The following FGF13 variants were observed in gnomAD, a reference collection of about 807,000 sequenced individuals.
FGF13 encodes the protein fibroblast growth factor homologous factor 2.
Under a neutral mutation model 19.5 loss-of-function variants are expected in FGF13, and 2 were observed. The ratio of observed to expected loss-of-function variants is 0.10; its 90% CI spans 0.04 to 0.32. The LOEUF (loss-of-function observed/expected upper bound fraction) is 0.32. Ranked by LOEUF, FGF13 falls within the 10% of genes least tolerant of loss-of-function variation. The probability of loss-of-function intolerance (pLI) is 1.00; values close to 1 mark genes in which losing one functional copy is unlikely to be tolerated. For missense variants in FGF13, 113 were observed against 192.7 expected, an observed-to-expected ratio of 0.59 and a Z score of 2.45; for synonymous variants, 72 against 76.9, an observed-to-expected ratio of 0.94 and a Z score of 0.33.
At chrX:138,833,660 C>T (rs918958015) in intron 3 of FGF13, among the ~76,000 whole-genome samples, 2 of 111,680 alleles carry the variant, frequency 1.8e-5, no homozygotes, top group Non-Finnish European at 3.8e-5. Flanking sequence ...TTTCTCTCTT[C>T]ACTGATTGCT....
chrX:139,184,842 A>G (rs192808987), intron 1 of FGF13, among the ~76,000 whole-genome samples: 1 of 112,649 alleles, frequency 8.9e-6, no homozygotes, highest in East Asian at 2.8e-4. Flanking sequence ...CATGAGTGTT[A>G]TTTCAGAATG....
At chrX:138,966,474 G>C (rs1315284133) in intron 1 of FGF13, among the ~76,000 whole-genome samples, 2 of 112,117 alleles carry the variant, frequency 1.8e-5, no homozygotes, top group Non-Finnish European at 3.8e-5. Flanking sequence ...TGCCCCACTG[G>C]ATTTCGAACT....
chrX:139,192,884 G>A (rs964003541), intron 1 of FGF13, among the ~76,000 whole-genome samples: 1 of 111,830 alleles, frequency 8.9e-6, no homozygotes, highest in African/African-American at 3.3e-5. Context: ...TTCATGCACT[G>A]AAAGTCTGTT....
chrX:138,692,027 G>A (rs1416301732), intron 3 of FGF13, among the ~76,000 whole-genome samples: 2 of 111,587 alleles, frequency 1.8e-5, no homozygotes, highest in African/African-American at 3.3e-5. Context: ...TGTAGTCACT[G>A]AAACCAGTGC....
At chrX:138,699,162 C>T (rs1278227739) in intron 3 of FGF13, among the ~76,000 whole-genome samples, 1 of 111,312 alleles carries the variant, frequency 9.0e-6, no homozygotes, top group African/African-American at 3.3e-5. Flanking sequence ...ACTTCCTTGT[C>T]TATTACTTGC....
At chrX:138,932,514 G>A (rs916800249) in intron 1 of FGF13, among the ~76,000 whole-genome samples, 5 of 97,810 alleles carry the variant, frequency 5.1e-5, no homozygotes, top group African/African-American at 1.8e-4. Context: ...GGCGCGGGAG[G>A]GCGGGGGGTG....
chrX:138,798,132 T>C (rs2090794336), intron 3 of FGF13, among the ~76,000 whole-genome samples: 1 of 112,020 alleles, frequency 8.9e-6, no homozygotes, highest in African/African-American at 3.2e-5. Context: ...GGCATCCTTT[T>C]GTTGTTCCAG....
At chrX:138,729,014 T>A (rs1268823516) in intron 1 of FGF13, among the ~76,000 whole-genome samples, 1 of 111,667 alleles carries the variant, frequency 9.0e-6, no homozygotes, top group Admixed American at 9.5e-5. Flanking sequence ...AACAAAATAC[T>A]AATGGCCTAA....
rs551148495 is a variant in FGF13, at chrX:138,821,589, T to C, written c.217+35923A>G. 5.3e-5 allele frequency among the ~76,000 whole-genome samples: 6 copies of C among 112,345 alleles called. No homozygotes were observed. In the South Asian group the frequency reaches 2.2e-3, roughly 41 times the overall value. The stretch of plus-strand genomic sequence containing the variant: ...ACTATTTCACTAAATATTTTTATAA[T>C]GATTAAATGTTGAAATAATATTTTG... On this transcript the variant is annotated intron_variant, in intron 3 of 6. Coordinates refer to the FGF13 transcript ENST00000436198.
intron 1 of FGF13, among the ~76,000 whole-genome samples, chrX:139,149,341 T>C (rs1054049976): frequency 1.8e-5 from 2 of 112,328 alleles, no homozygotes; most frequent in African/African-American, 6.5e-5. Context: ...AAATATGGAA[T>C]TGACATCAAA....
chrX:138,789,426 C>T (rs1252260969), intron 3 of FGF13, among the ~76,000 whole-genome samples: 9 of 107,744 alleles, frequency 8.4e-5, no homozygotes, highest in East Asian at 3.0e-4. Context: ...ATGATCTGCC[C>T]GCCTCGGTCT....
chrX:138,760,679 C>T (rs777555687), intron 3 of FGF13, among the ~76,000 whole-genome samples: 2 of 112,069 alleles, frequency 1.8e-5, no homozygotes, highest in South Asian at 7.4e-4. Flanking sequence ...ACTACTTTGT[C>T]CAAGGTCATG....
At chrX:138,960,930 T>G (rs144867694) in intron 1 of FGF13, among the ~76,000 whole-genome samples, 3,530 of 111,502 alleles carry the variant, frequency 0.032, 152 homozygotes, top group African/African-American at 0.11. Flanking sequence ...TCAAGGTTTT[T>G]AGCTTCCTGG....
intron 1 of FGF13, among the ~76,000 whole-genome samples, chrX:138,865,512 T>C (rs2091318141): frequency 2.0e-5 from 2 of 101,756 alleles, no homozygotes; most frequent in Admixed American, 2.2e-4. Flanking sequence ...CTCTCTCCTC[T>C]CTCTTCCCTG....
downstream of FGF13, among the ~76,000 whole-genome samples, chrX:138,857,001 A>G (rs991941700): frequency 1.8e-5 from 2 of 112,182 alleles, no homozygotes; most frequent in African/African-American, 6.5e-5. Context: ...GGCAAAGTGC[A>G]ACGGGGCGTG....
At chrX:138,998,944 T>A (rs2092058656) in intron 1 of FGF13, among the ~76,000 whole-genome samples, 1 of 112,092 alleles carries the variant, frequency 8.9e-6, no homozygotes, top group African/African-American at 3.3e-5. Flanking sequence ...AGTAAAGCAT[T>A]CCTCAGCAAA....
intron 1 of FGF13, among the ~76,000 whole-genome samples, chrX:138,896,586 T>A (rs2091505508): frequency 8.9e-6 from 1 of 111,878 alleles, no homozygotes; most frequent in Non-Finnish European, 1.9e-5. Flanking sequence ...CTCCTCACCC[T>A]ATCCTTCATA....
Position 138,624,115 on chromosome X carries a change from C to A in FGF13, c.*8735G>T, listed in dbSNP as rs1401191008. On this transcript the variant is annotated 3_prime_UTR_variant, in exon 5 of 5. Transcript: ENST00000315930. ...TAAAACCTTATGGAACCACCTAAGT[C>A]CCCAAAGATCTAAAACAATCTTGAG... The A allele has an allele frequency of 2.7e-5, 3 of 111,683 alleles. No homozygotes were observed. Among genetic ancestry groups the A allele is most frequent in the Admixed American group, 9.5e-5 (1 of 10,517 alleles). The allele number at this position is 111,683 out of a possible 1,213,427, so 9.2% of individuals were successfully genotyped here.
At chrX:139,061,616 T>A (rs890717653) in intron 1 of FGF13, among the ~76,000 whole-genome samples, 2 of 111,409 alleles carry the variant, frequency 1.8e-5, no homozygotes, top group African/African-American at 6.6e-5. Context: ...TTATTTTTTT[T>A]TAAAATAAAT....
Sources: gnomAD v4.1 joint callset for allele counts (sites outside exome capture counted in the v4.1 genomes callset) on GRCh38, gnomAD v4.1.1 for gene constraint, MANE v1.5 for transcripts, NCBI Gene and HGNC (gene_info 2026-07-23, HGNC 2026-07-21) for gene names.